Variants in NRG1 observed in about 807,000 individuals in gnomAD.
NRG1 encodes the protein neuregulin 1, also known as pro-neuregulin-1, membrane-bound isoform.
A neutral mutation model predicts 63.8 loss-of-function variants in NRG1; 18 were observed. The ratio of observed to expected loss-of-function variants is 0.28; its 90% CI spans 0.19 to 0.42. NRG1 has a LOEUF of 0.42. Among genes scored for constraint, NRG1 ranks in the 10% least tolerant of loss-of-function variants. NRG1 has a pLI of 1.00. For synonymous variants in NRG1, 302 were observed against 301.3 expected (o/e 1.00, Z -0.02); for missense variants, 762 against 814.7 (o/e 0.94, Z 0.79).
intron 1 of NRG1, among the ~76,000 whole-genome samples, chr8:31,925,376 G>A (rs1227832044): frequency 6.6e-6 from 1 of 151,336 alleles, no homozygotes; most frequent in African/African-American, 2.4e-5. Context: ...AGCCTAATTT[G>A]TTATTAATAT....
intron 1 of NRG1, among the ~76,000 whole-genome samples, chr8:31,967,933 T>C (rs1586147474): frequency 6.6e-6 from 1 of 152,192 alleles, no homozygotes; most frequent in Non-Finnish European, 1.5e-5. Flanking sequence ...AAAAAAATAC[T>C]GGTACAGCAG....
At chr8:32,693,249 C>T (rs1158610594) in intron 5 of NRG1, among the ~76,000 whole-genome samples, 2 of 147,646 alleles carry the variant, frequency 1.4e-5, no homozygotes, top group East Asian at 2.0e-4. Flanking sequence ...GACAGAGTCT[C>T]GCTCTGTCAC....
At chr8:32,640,151 T>C (rs1852062465) in intron 5 of NRG1, among the ~76,000 whole-genome samples, 1 of 152,118 alleles carries the variant, frequency 6.6e-6, no homozygotes, top group African/African-American at 2.4e-5. Context: ...CCAATATGTA[T>C]TGCTCCAGTA....
At chr8:32,094,911 G>A (rs559786527) in intron 1 of NRG1, among the ~76,000 whole-genome samples, 10 of 141,576 alleles carry the variant, frequency 7.1e-5, no homozygotes, top group African/African-American at 2.4e-4. Flanking sequence ...TTTAATTTCA[G>A]CATTTTTTTT....
intron 1 of NRG1, among the ~76,000 whole-genome samples, chr8:31,947,697 A>G (rs1415993928): frequency 2.0e-5 from 3 of 152,020 alleles, no homozygotes; most frequent in Non-Finnish European, 4.4e-5. Flanking sequence ...TAATCCCAGC[A>G]TTTTAGGAGG....
intron 1 of NRG1, among the ~76,000 whole-genome samples, chr8:31,650,820 G>C (rs900012853): frequency 6.6e-6 from 1 of 152,188 alleles, no homozygotes; most frequent in African/African-American, 2.4e-5. Context: ...CCAGTGAAAA[G>C]TGCCCTGGCC....
intron 1 of NRG1, among the ~76,000 whole-genome samples, chr8:31,641,009 G>T (rs1196506299): frequency 6.6e-6 from 1 of 152,236 alleles, no homozygotes; most frequent in Non-Finnish European, 1.5e-5. Context: ...TCACCAAGTA[G>T]ATCGGAAATG....
chr8:31,976,421 T>G (rs1292865576), intron 1 of NRG1, among the ~76,000 whole-genome samples: 1 of 152,094 alleles, frequency 6.6e-6, no homozygotes, highest in Non-Finnish European at 1.5e-5. Flanking sequence ...CTGACAAGAG[T>G]TCAGTGACAT....
At chr8:32,363,730 AT>A (rs1807552270) in intron 1 of NRG1, among the ~76,000 whole-genome samples, 1 of 151,910 alleles carries the variant, frequency 6.6e-6, no homozygotes, top group African/African-American at 2.4e-5. Context: ...TTTTTTTTAC[AT>A]TAAAAACAAC....
At chr8:32,511,135 T>C (rs1231124480) in intron 1 of NRG1, among the ~76,000 whole-genome samples, 1 of 150,982 alleles carries the variant, frequency 6.6e-6, no homozygotes, top group Non-Finnish European at 1.5e-5. Context: ...TGGACTGATC[T>C]ATTTTACCTC....
At chr8:32,278,373 G>C (rs1162892357) in intron 1 of NRG1, among the ~76,000 whole-genome samples, 1 of 152,120 alleles carries the variant, frequency 6.6e-6, no homozygotes, top group Non-Finnish European at 1.5e-5. Flanking sequence ...AAAAGTCTTA[G>C]CTTTTGTTCA....
chr8:32,183,070 C>T (rs1841595968), intron 1 of NRG1, among the ~76,000 whole-genome samples: 1 of 152,116 alleles, frequency 6.6e-6, no homozygotes, highest in South Asian at 2.1e-4. Flanking sequence ...TTAGATTTCT[C>T]ATTTTAAAAG....
chr8:31,714,254 G>C (rs1044308219), intron 1 of NRG1, among the ~76,000 whole-genome samples: 1 of 151,944 alleles, frequency 6.6e-6, no homozygotes, highest in Non-Finnish European at 1.5e-5. Context: ...CAAGTGGAAG[G>C]TTATTTATTC....
intron 1 of NRG1, among the ~76,000 whole-genome samples, chr8:32,414,604 T>C (rs1404930966): frequency 6.6e-6 from 1 of 152,178 alleles, no homozygotes; most frequent in Non-Finnish European, 1.5e-5. Context: ...TGGGAGTATT[T>C]TACTTTTGAA....
In NRG1 at chr8:32,329,908, C is replaced by T. The variant is rs377635433; in HGVS notation, c.38-265920C>T. Among the ~76,000 whole-genome samples the T allele has an allele frequency of 2.3e-3, 352 of 151,814 alleles. 1 individual carries two copies. The highest frequency in any genetic ancestry group is 8.0e-3 in the African/African-American group (331 of 41,396). On this transcript the variant is annotated intron_variant, in intron 1 of 10. Coordinates refer to the NRG1 transcript ENST00000519301. ...AAAATAAGAGATAGGGGGTCTCATT[C>T]TGTCATCCAGGTTGGAATGCAATAG...
chr8:31,746,620 A>G (rs923088537), intron 1 of NRG1, among the ~76,000 whole-genome samples: 2 of 152,010 alleles, frequency 1.3e-5, no homozygotes, highest in Non-Finnish European at 2.9e-5. Flanking sequence ...AAAACTAAAA[A>G]TAGAGCTACC....
chr8:32,299,040 A>AAG (rs1855276424), intron 1 of NRG1, among the ~76,000 whole-genome samples: 1 of 150,994 alleles, frequency 6.6e-6, no homozygotes, highest in Non-Finnish European at 1.5e-5. Context: ...AAAAAAAAAA[A>AAG]AAAAAAAAGA....
At chr8:31,859,668 AG>A (rs1179787871) in intron 1 of NRG1, among the ~76,000 whole-genome samples, 8 of 152,358 alleles carry the variant, frequency 5.3e-5, no homozygotes, top group African/African-American at 1.9e-4. Context: ...CTAGACAAAA[AG>A]TATGTTTGAT....
chr8:32,122,001 G>A (rs1436139989), intron 1 of NRG1, among the ~76,000 whole-genome samples: 3 of 151,902 alleles, frequency 2.0e-5, no homozygotes, highest in Non-Finnish European at 4.4e-5. Flanking sequence ...CTTTATTAAA[G>A]TATATTTTAT....
Sources: allele counts gnomAD v4.1 joint callset (sites outside exome capture counted in the v4.1 genomes callset), GRCh38; gene constraint gnomAD v4.1.1; transcripts MANE v1.5; gene names NCBI Gene and HGNC (gene_info 2026-07-23, HGNC 2026-07-21).